The following IQCM variants were observed in gnomAD, a reference collection of about 807,000 sequenced individuals.
IQCM encodes the protein IQ motif containing M, also known as IQ domain-containing protein M.
In IQCM, 45 loss-of-function variants were observed where a neutral mutation model predicts 57.6. That is an observed-to-expected ratio of 0.78 (90% CI 0.62 to 1.00). IQCM has a LOEUF of 1.00. Among genes scored for constraint, IQCM ranks in the 50% least tolerant of loss-of-function variants. The pLI is 0.00. For synonymous variants in IQCM, 148 were observed against 158.9 expected (o/e 0.93, Z 0.51); for missense variants, 468 against 511.6 (o/e 0.91, Z 0.82).
At chr4:149,575,983 T>C (rs555031545) in intron 9 of IQCM, among the ~76,000 whole-genome samples, 27 of 151,922 alleles carry the variant, frequency 1.8e-4, no homozygotes, top group Middle Eastern at 3.4e-3. Flanking sequence ...AAATTCCAAA[T>C]TCAGTTCAAA....
chr4:149,536,464 AT>A (rs1317142322), intron 12 of IQCM, among the ~76,000 whole-genome samples: 2 of 151,828 alleles, frequency 1.3e-5, no homozygotes, highest in Admixed American at 6.6e-5. Flanking sequence ...CTTTGCTTTT[AT>A]TTTCTTATCT....
intron 13 of IQCM, among the ~76,000 whole-genome samples, chr4:149,412,910 GAGGT>G (rs1248697227): frequency 2.0e-5 from 3 of 152,130 alleles, no homozygotes; most frequent in Non-Finnish European, 4.4e-5. Context: ...GAGTGGCAAG[GAGGT>G]AGGAGAGTGG....
At chr4:149,780,694 G>A (rs546620157) in intron 2 of IQCM, among the ~76,000 whole-genome samples, 1 of 152,114 alleles carries the variant, frequency 6.6e-6, no homozygotes, top group African/African-American at 2.4e-5. Context: ...TCAGGGCAGG[G>A]GTGGAAATGA....
At chr4:149,442,483 C>T (rs1488423423) in intron 12 of IQCM, among the ~76,000 whole-genome samples, 1 of 152,064 alleles carries the variant, frequency 6.6e-6, no homozygotes, top group Non-Finnish European at 1.5e-5. Context: ...CTGTGCTTAA[C>T]TGAATGTCCA....
intron 9 of IQCM, among the ~76,000 whole-genome samples, chr4:149,564,436 G>A (rs1750420424): frequency 6.6e-6 from 1 of 152,110 alleles, no homozygotes; most frequent in African/African-American, 2.4e-5. Flanking sequence ...GGGTGACTGT[G>A]GTAGTTAATA....
chr4:149,803,910 C>A (rs979861855), intron 2 of IQCM, among the ~76,000 whole-genome samples: 1 of 151,892 alleles, frequency 6.6e-6, no homozygotes, highest in Non-Finnish European at 1.5e-5. Flanking sequence ...GTTCTATAAT[C>A]TTCTGAGGGT....
At chr4:149,753,747 A>G (rs1768691309) in intron 2 of IQCM, among the ~76,000 whole-genome samples, 1 of 145,918 alleles carries the variant, frequency 6.9e-6, no homozygotes, top group Non-Finnish European at 1.5e-5. Flanking sequence ...TAAAATAAAA[A>G]CACTGAGACC....
At chr4:149,730,888 T>C (rs1021578161) in intron 5 of IQCM, among the ~76,000 whole-genome samples, 2 of 152,174 alleles carry the variant, frequency 1.3e-5, no homozygotes, top group Non-Finnish European at 2.9e-5. Flanking sequence ...ACCTCACATG[T>C]TAAATTAAAC....
intron 5 of IQCM, among the ~76,000 whole-genome samples, chr4:149,709,919 T>G (rs572382121): frequency 1.3e-5 from 2 of 152,226 alleles, no homozygotes; most frequent in South Asian, 4.1e-4. Context: ...AGATATAAAA[T>G]TCACTACAGT....
intron 12 of IQCM, among the ~76,000 whole-genome samples, chr4:149,510,035 T>G (rs1744238091): frequency 6.6e-6 from 1 of 152,224 alleles, no homozygotes; most frequent in South Asian, 2.1e-4. Context: ...GGAAAATGTA[T>G]GCATATTATA....
At chr4:149,774,111 G>C (rs1367012728) in intron 2 of IQCM, among the ~76,000 whole-genome samples, 1 of 151,850 alleles carries the variant, frequency 6.6e-6, no homozygotes, top group Non-Finnish European at 1.5e-5. Flanking sequence ...AAAATCTCTA[G>C]GCTTCATTAT....
chr4:149,811,960 G>A (rs1287743605), intron 2 of IQCM, among the ~76,000 whole-genome samples: 3 of 152,152 alleles, frequency 2.0e-5, no homozygotes, highest in Non-Finnish European at 2.9e-5. Flanking sequence ...GCTTCATTCA[G>A]GGAGATATGT....
chr4:149,665,928 C>G (rs1760681917), intron 7 of IQCM: 2 of 152,080 alleles, frequency 1.3e-5, no homozygotes, highest in African/African-American at 4.8e-5. Flanking sequence ...ACTCAAAGAT[C>G]TGATGTTTGT....
intron 3 of IQCM, among the ~76,000 whole-genome samples, chr4:149,737,879 T>G (rs2149898798): frequency 6.6e-6 from 1 of 152,332 alleles, no homozygotes; most frequent in Non-Finnish European, 1.5e-5. Context: ...TTTCCTCTTT[T>G]AATTCCCTTT....
chr4:149,538,807 CT>C, intron 12 of IQCM, among the ~76,000 whole-genome samples: 1 of 151,900 alleles, frequency 6.6e-6, no homozygotes, highest in Non-Finnish European at 1.5e-5. Context: ...AAAAAAGAAA[CT>C]GATGAATTAG....
intron 12 of IQCM, among the ~76,000 whole-genome samples, chr4:149,511,519 C>A (rs1464226593): frequency 7.0e-6 from 1 of 142,898 alleles, no homozygotes; most frequent in Non-Finnish European, 1.5e-5. Flanking sequence ...CAGAATGAGA[C>A]CCTGTCTCTA....
intron 8 of IQCM, among the ~76,000 whole-genome samples, chr4:149,599,301 AT>A (rs1754057010): frequency 6.6e-6 from 1 of 152,188 alleles, no homozygotes; most frequent in Non-Finnish European, 1.5e-5. Flanking sequence ...ACAAAAATAC[AT>A]TGTTGAGCAA....
intron 12 of IQCM, among the ~76,000 whole-genome samples, chr4:149,490,233 T>C (rs1001279059): frequency 2.6e-5 from 4 of 152,016 alleles, no homozygotes; most frequent in Non-Finnish European, 4.4e-5. Flanking sequence ...TATATCTGCA[T>C]GCATAATAGA....
At chr4:149,663,403 G>A (rs1039039175) in intron 7 of IQCM, among the ~76,000 whole-genome samples, 1 of 151,920 alleles carries the variant, frequency 6.6e-6, no homozygotes, top group African/African-American at 2.4e-5. Flanking sequence ...ATGCTTTCAT[G>A]TGTATTCATG....
Sources: gnomAD v4.1 joint callset for allele counts (sites outside exome capture counted in the v4.1 genomes callset) on GRCh38, gnomAD v4.1.1 for gene constraint, MANE v1.5 for transcripts, NCBI Gene and HGNC (gene_info 2026-07-23, HGNC 2026-07-21) for gene names.